The following SLC30A8 variants were observed in gnomAD, a reference collection of about 807,000 sequenced individuals.
SLC30A8 encodes proton-coupled zinc antiporter SLC30A8.
SLC30A8 carries 27 observed loss-of-function variants against 36.9 expected under a neutral mutation model. The observed-to-expected ratio is 0.73, with a 90% confidence interval of 0.54 to 1.01. The LOEUF is 1.01. SLC30A8 is among the 50% of genes least tolerant of loss of function. The pLI is 0.00. For synonymous variants in SLC30A8, 164 were observed against 172.4 expected, an observed-to-expected ratio of 0.95 and a Z score of 0.38; for missense variants, 439 against 452.0, an observed-to-expected ratio of 0.97 and a Z score of 0.26.
intron 1 of SLC30A8, among the ~76,000 whole-genome samples, chr8:116,976,825 T>TCTTTCTTTC (rs199570679): frequency 6.9e-5 from 10 of 145,002 alleles, no homozygotes; most frequent in African/African-American, 2.7e-4. Context: ...TTTCTTTCTT[T>TCTTTCTTTC]TTTTTTTTTT....
At chr8:116,963,317 T>C (rs998571687) in intron 1 of SLC30A8, among the ~76,000 whole-genome samples, 3 of 152,090 alleles carry the variant, frequency 2.0e-5, no homozygotes, top group Non-Finnish European at 4.4e-5. Context: ...ACACATAACA[T>C]ATAATTGACC....
At chr8:117,156,661 T>C (rs1017054084) in intron 3 of SLC30A8, among the ~76,000 whole-genome samples, 1 of 152,184 alleles carries the variant, frequency 6.6e-6, no homozygotes, top group African/African-American at 2.4e-5. Context: ...CAAAATAAAC[T>C]AGCACATCAA....
chr8:117,058,845 C>T (rs1817947422), intron 2 of SLC30A8, among the ~76,000 whole-genome samples: 1 of 152,188 alleles, frequency 6.6e-6, no homozygotes, highest in Non-Finnish European at 1.5e-5. Context: ...TGCATATTGT[C>T]TGTAGCTGAT....
At chr8:117,091,643 AC>A (rs1460784422) in intron 2 of SLC30A8, among the ~76,000 whole-genome samples, 5 of 151,674 alleles carry the variant, frequency 3.3e-5, no homozygotes, top group Admixed American at 6.6e-5. Context: ...TCTGCTTTAA[AC>A]CCTTGGGACT....
chr8:117,126,025 TG>T, intron 2 of SLC30A8, among the ~76,000 whole-genome samples: 1 of 152,158 alleles, frequency 6.6e-6, no homozygotes, highest in East Asian at 1.9e-4. Context: ...TCTCTAGCTG[TG>T]TTTTCCCCCC....
intron 1 of SLC30A8, among the ~76,000 whole-genome samples, chr8:117,028,349 T>C (rs1024832741): frequency 6.6e-6 from 1 of 152,146 alleles, no homozygotes; most frequent in Non-Finnish European, 1.5e-5. Context: ...TCCTGAAATA[T>C]GAATACAACA....
chr8:117,057,743 A>G (rs1817915966), intron 2 of SLC30A8, among the ~76,000 whole-genome samples: 1 of 152,160 alleles, frequency 6.6e-6, no homozygotes, highest in Non-Finnish European at 1.5e-5. Flanking sequence ...ATATATAGGC[A>G]TATATACAAC....
chr8:117,164,565 C>T (rs1043826048), intron 6 of SLC30A8, among the ~76,000 whole-genome samples: 1 of 152,012 alleles, frequency 6.6e-6, no homozygotes, highest in African/African-American at 2.4e-5. Flanking sequence ...CAGAGTAAGA[C>T]CCTACCTCAA....
intron 2 of SLC30A8, among the ~76,000 whole-genome samples, chr8:117,097,063 A>C (rs551203969): frequency 2.8e-4 from 42 of 152,152 alleles, no homozygotes; most frequent in South Asian, 6.2e-4. Context: ...AGACTGGAAG[A>C]GGGAGAGAGA....
intron 1 of SLC30A8, among the ~76,000 whole-genome samples, chr8:116,986,228 T>C (rs1815439446): frequency 6.6e-6 from 1 of 152,224 alleles, no homozygotes; most frequent in South Asian, 2.1e-4. Context: ...ATATATGTGT[T>C]CATCTAATTA....
chr8:117,098,242 A>C lies in SLC30A8; in HGVS notation c.-225-37038A>C, dbSNP rs183377584. ...GGTCATCTCATTTTTCTATGAATAC[A>C]TGCTTGGTAGGATGAGGGTTTCTCT... is the stretch of plus-strand genomic sequence containing the variant. On this transcript the variant is annotated intron_variant, in intron 2 of 10. Coordinates refer to the SLC30A8 transcript ENST00000427715. Among the ~76,000 whole-genome samples the C allele has an allele frequency of 1.1e-4, 16 of 151,686 alleles. No homozygotes were observed. In the East Asian group the frequency reaches 3.1e-3, roughly 29 times the overall value.
At chr8:117,133,842 T>G (rs1181290154), upstream of SLC30A8, among the ~76,000 whole-genome samples, 1 of 151,944 alleles carries the variant, frequency 6.6e-6, no homozygotes, top group Non-Finnish European at 1.5e-5. Context: ...AGACCCAGGA[T>G]TTCAATGCCT....
At chr8:117,097,424 TATAA>T (rs1161023080) in intron 2 of SLC30A8, among the ~76,000 whole-genome samples, 1 of 107,040 alleles carries the variant, frequency 9.3e-6, no homozygotes, top group African/African-American at 4.1e-5. Context: ...AAAAAATATA[TATAA>T]ATATATATAA....
chr8:117,157,577 C>T (rs1192061322), intron 3 of SLC30A8, 114 bp from the exon 4 acceptor site: 1 of 1,157,878 alleles, frequency 8.6e-7, no homozygotes, highest in Non-Finnish European at 1.2e-6. Context: ...ACTGGATGAA[C>T]TAATGTGAAG....
At chr8:117,149,655 A>G (rs1018186346) in intron 2 of SLC30A8, among the ~76,000 whole-genome samples, 1 of 152,166 alleles carries the variant, frequency 6.6e-6, no homozygotes, top group Non-Finnish European at 1.5e-5. Context: ...GCAAAGTGAA[A>G]ATTGTCAGGA....
intron 1 of SLC30A8, among the ~76,000 whole-genome samples, chr8:116,989,101 A>G (rs955963790): frequency 6.6e-6 from 1 of 152,216 alleles, no homozygotes; most frequent in African/African-American, 2.4e-5. Flanking sequence ...GAACTATATC[A>G]TATTTATGCT....
At chr8:117,167,703 TTATAAACAATGATGTAATTAC>T (rs545843741) in intron 6 of SLC30A8, among the ~76,000 whole-genome samples, 418 of 152,260 alleles carry the variant, frequency 2.7e-3, no homozygotes, top group African/African-American at 9.5e-3. Context: ...GTGATTGACA[TTATAAACAATGATGTAATTAC>T]TATAAACAAT....
intron 4 of SLC30A8, among the ~76,000 whole-genome samples, chr8:117,158,408 T>C (rs1822611809): frequency 6.6e-6 from 1 of 152,242 alleles, no homozygotes; most frequent in African/African-American, 2.4e-5. Flanking sequence ...TTTTGCAACA[T>C]TTCCATAAAA....
intron 3 of SLC30A8, among the ~76,000 whole-genome samples, chr8:117,157,319 AT>A (rs1181666231): frequency 6.6e-6 from 1 of 152,104 alleles, no homozygotes; most frequent in Non-Finnish European, 1.5e-5. Context: ...TTCTAAACAC[AT>A]TTTACTCTCT....
Sources: gnomAD v4.1 joint callset for allele counts (sites outside exome capture counted in the v4.1 genomes callset) on GRCh38, gnomAD v4.1.1 for gene constraint, MANE v1.5 for transcripts, NCBI Gene and HGNC (gene_info 2026-07-23, HGNC 2026-07-21) for gene names.